Variants in HRG observed in about 807,000 individuals in gnomAD.
HRG encodes the protein histidine rich glycoprotein.
In HRG, 26 loss-of-function variants were observed where a neutral mutation model predicts 29.5. The ratio of observed to expected loss-of-function variants is 0.88; its 90% CI spans 0.65 to 1.22. The LOEUF (loss-of-function observed/expected upper bound fraction) is 1.22. Ranked by LOEUF, HRG falls within the 50% of genes most tolerant of loss-of-function variation. The pLI is 0.00. For missense variants in HRG, 671 were observed against 654.5 expected, an observed-to-expected ratio of 1.03 and a Z score of -0.28; for synonymous variants, 243 against 240.4, an observed-to-expected ratio of 1.01 and a Z score of -0.10.
chr3:186,669,475 TA>T, intron 2 of HRG: 1 of 336,680 alleles, frequency 3.0e-6, no homozygotes, highest in Non-Finnish European at 5.7e-6. Context: ...CCAAAGTAAT[TA>T]CTTGCAGTGA....
At chr3:186,666,912 C>CA (rs200968251) in intron 1 of HRG, 22,962 of 137,656 alleles carry the variant, frequency 0.17, 2,189 homozygotes, top group East Asian at 0.36. Context: ...GACTCCATCT[C>CA]AAAAAAAAAA....
chr3:186,677,770 C>T lies in HRG; in HGVS notation c.1465C>T (p.Leu489=). 1.2e-6 allele frequency: 2 copies of T among 1,613,908 alleles called. No individual in the cohort carries two copies. The highest frequency in any genetic ancestry group is 1.7e-6 in the Non-Finnish European group (2 of 1,179,754). Residue 489 remains leucine (L), a synonymous_variant, in exon 7 of 7, where the codon CTA becomes TTA. Transcript: ENST00000232003. The part of the protein sequence containing the change: ...SFPLPHHKHP[L]KPDNQPFPQS... ...CCCATTGCCGCACCACAAACATCCT[C>T]TAAAGCCAGACAATCAGCCCTTTCC...
intron 1 of HRG, chr3:186,667,195 T>G (rs527478835): frequency 6.6e-6 from 1 of 152,274 alleles, no homozygotes; most frequent in East Asian, 1.9e-4. Flanking sequence ...CAGGATCCCT[T>G]TGGAATGCGG....
intron 1 of HRG, 41 bp downstream of exon 1, chr3:186,666,255 T>C: frequency 6.3e-7 from 1 of 1,599,990 alleles, no homozygotes; most frequent in Non-Finnish European, 8.6e-7. Flanking sequence ...GGGAGATTAC[T>C]CACGGGGGCA....
intron 6 of HRG, among the ~76,000 whole-genome samples, chr3:186,676,491 C>G (rs1718994251): frequency 6.6e-6 from 1 of 151,042 alleles, no homozygotes; most frequent in African/African-American, 2.4e-5. Context: ...AATTTCATTC[C>G]AGGCTGGGCA....
Position 186,678,232 on chromosome 3 carries a change from C to T in HRG, c.*349C>T, listed in dbSNP as rs1273114067. ...ATACTAATAAAGTATGGTATTGAAA[C>T]TATTGTTATCATTTATTTCATTTTA... On this transcript the variant is annotated 3_prime_UTR_variant, in exon 7 of 7. Coordinates refer to ENST00000232003, the MANE Select transcript of HRG (RefSeq NM_000412.5). The T allele has an allele frequency of 3.5e-6, 1 of 287,566 alleles. No individual in the cohort carries two copies. The highest frequency in any genetic ancestry group is 3.9e-5 in the South Asian group (1 of 25,828). 17.8% of individuals were successfully genotyped at this position (287,566 alleles called of 1,614,324 possible).
At chr3:186,675,013 G>A in intron 5 of HRG, 76 bp from the exon 6 acceptor site, 1 of 927,796 alleles carries the variant, frequency 1.1e-6, no homozygotes, top group Admixed American at 1.7e-5. Flanking sequence ...TTTTCTGAAT[G>A]TCTGGAAGCT....
At chr3:186,666,662 C>T (rs927929690) in intron 1 of HRG, among the ~76,000 whole-genome samples, 7 of 152,196 alleles carry the variant, frequency 4.6e-5, no homozygotes, top group Non-Finnish European at 1.0e-4. Context: ...CGCCTGTAAT[C>T]CCAGCACTTT....
chr3:186,677,457 C>T lies in HRG; in HGVS notation c.1152C>T (p.His384=), dbSNP rs749736228. The T allele has an allele frequency of 6.3e-7, 1 of 1,590,792 alleles. No homozygotes were observed. Among genetic ancestry groups the T allele is most frequent in the Non-Finnish European group, 8.6e-7 (1 of 1,168,594 alleles). ...CCCATAGACAGCATCCCCATGGACA[C>T]CACCCCCATGGACACCATCCTCATG... ...HDTHRQHPHG[H]HPHGHHPHGH... is the part of the protein sequence containing the mutation. The change falls in exon 7 of 7, where the codon CAC becomes CAT. Residue 384 remains histidine (H), a synonymous_variant. Coordinates refer to ENST00000232003, the MANE Select transcript of HRG (RefSeq NM_000412.5).
At position 186,671,710 on chromosome 3, in the gene HRG, A is replaced by C; in HGVS notation, c.479A>C (p.Lys160Thr). The change falls in exon 4 of 7, where the codon AAA becomes ACA. Residue 160 changes from lysine to threonine, a missense_variant. By Grantham distance (78) the Lys-to-Thr change is moderately conservative. Coordinates refer to ENST00000232003, the MANE Select transcript of HRG (RefSeq NM_000412.5). ...DTERYRKQAN[K>T]ALEKYKEEND... The stretch of plus-strand genomic sequence containing the variant: ...GAGCGCTACAGAAAACAAGCCAACA[A>C]AGCCCTTGAGAAGTACAAAGAGGAG... 1 of 1,613,956 alleles carries C rather than the reference A, an allele frequency of 6.2e-7. No homozygotes were observed. Among genetic ancestry groups the C allele is most frequent in the Non-Finnish European group, 8.5e-7 (1 of 1,179,892 alleles).
rs1454931900 is a variant in HRG at position 186,677,828 on chromosome 3, TC to T, written c.1524del (p.Phe508LeufsTer21). 1 of 1,614,170 alleles carries T rather than the reference TC, an allele frequency of 6.2e-7. No homozygotes were observed. The highest frequency in any genetic ancestry group is 1.3e-5 in the African/African-American group (1 of 75,054). ...GTCTCTGAATCATGTCCAGGGAAGT[TC>T]AAGAGTGGGTTTCCACAAGTTTCCA... ...QSVSESCPGKFKSGFPQVSMF... is the reference protein window; with the variant it reads ...QSVSESCPGKXKSGFPQVSMF... On this transcript the variant is annotated frameshift_variant, in exon 7 of 7. Coordinates refer to ENST00000232003, the MANE Select transcript of HRG (RefSeq NM_000412.5). LOFTEE classifies it low-confidence loss of function (END_TRUNC).
At position 186,671,530 on chromosome 3, in the gene HRG, AT is replaced by A; in HGVS notation, c.392-92del. Reference sequence around the variant, plus strand: ...AGCTCTTCCCACCCTCAATTTGCCCATCCTTAAAATGAAAGTTATTGTCATT... The same window carrying A: ...AGCTCTTCCCACCCTCAATTTGCCCACCTTAAAATGAAAGTTATTGTCATT... On this transcript the variant is annotated intron_variant, in intron 3 of 6. Transcript: ENST00000232003. 2.2e-6 allele frequency: 3 copies of A among 1,337,474 alleles called. No homozygotes were observed. In the South Asian group the frequency reaches 3.5e-5, roughly 16 times the overall value. The allele number at this position is 1,337,474 out of a possible 1,614,324, so 82.9% of individuals were successfully genotyped here.
In HRG at chr3:186,672,882, T is replaced by A; in HGVS notation, c.639+15T>A. On this transcript the variant is annotated intron_variant, in intron 5 of 6. Transcript: ENST00000232003. ...GACACCCCAATGTGAGTATAAGAAATGTCTGTGATCGTTGACTAGAGTCAC... is the reference window on the plus strand; with the variant it reads ...GACACCCCAATGTGAGTATAAGAAAAGTCTGTGATCGTTGACTAGAGTCAC... 1 of 1,544,908 alleles carries A rather than the reference T, an allele frequency of 6.5e-7. No individual in the cohort carries two copies. Among genetic ancestry groups the A allele is most frequent in the Non-Finnish European group, 8.9e-7 (1 of 1,117,922 alleles).
At position 186,677,356 on chromosome 3, in the gene HRG, C is replaced by A. The variant is rs115242562; in HGVS notation, c.1051C>A (p.Pro351Thr). Residue 351 changes from proline to threonine, a missense_variant, in exon 7 of 7, where the codon CCC becomes ACC. Physicochemically the swap from Pro to Thr is conservative, Grantham distance 38. Coordinates refer to ENST00000232003, the MANE Select transcript of HRG (RefSeq NM_000412.5). ...TAATAATAATTCCAGTGACCTCCAT[C>A]CCCATAAGCATCATTCCCATGAACA... The part of the protein sequence containing the change: ...SHNNNSSDLH[P>T]HKHHSHEQHP... The A allele has an allele frequency of 1.9e-3, 3,056 of 1,613,954 alleles. 47 individuals carry two copies. In the African/African-American group the frequency reaches 0.032, roughly 17 times the overall value.
At chr3:186,673,828 C>T (rs1579078319) in intron 5 of HRG, 1 of 152,148 alleles carries the variant, frequency 6.6e-6, no homozygotes, top group Non-Finnish European at 1.5e-5. Context: ...ATGTACCTGC[C>T]AGAAGACATT....
chr3:186,676,474 A>T (rs190007945), intron 6 of HRG, among the ~76,000 whole-genome samples: 2,963 of 150,244 alleles, frequency 0.02, 74 homozygotes, highest in African/African-American at 0.06. Context: ...TTTTTTTTTT[A>T]AATCAAAATT....
At position 186,668,409 on chromosome 3, in the gene HRG, G is replaced by A. The variant is rs975292142; in HGVS notation, c.184-526G>A. On this transcript the variant is annotated intron_variant, in intron 1 of 6. Coordinates refer to ENST00000232003, the MANE Select transcript of HRG (RefSeq NM_000412.5). ...AAAGCAAGGACAAGGAAAACATCTC[G>A]TAGGTTTACATGTTTTACCCCAGAG... Among the ~76,000 whole-genome samples the A allele has an allele frequency of 4.6e-5, 7 of 152,252 alleles. No individual in the cohort carries two copies. The South Asian group carries it at 6.2e-4, about 14-fold the overall frequency.
chr3:186,671,861 A>C (rs776481073), intron 4 of HRG, 72 bp downstream of exon 4: 52 of 1,309,908 alleles, frequency 4.0e-5, no homozygotes, highest in Middle Eastern at 4.2e-4. Context: ...ACTGAATGGC[A>C]TACCCTCTCC....
Position 186,677,222 on chromosome 3 carries a change from A to G in HRG, c.917A>G (p.His306Arg). ...GPPPPPDERD[H>R]SHGPPLPQGP... Reference sequence around the variant, plus strand: ...CCACCTCCTCCAGATGAAAGAGATCACTCACATGGACCCCCACTTCCACAA... The same window carrying G: ...CCACCTCCTCCAGATGAAAGAGATCGCTCACATGGACCCCCACTTCCACAA... Residue 306 changes from histidine to arginine, a missense_variant, in exon 7 of 7, where the codon CAC becomes CGC. His to Arg is a conservative substitution (Grantham distance 29). Transcript: ENST00000232003. The G allele has an allele frequency of 6.2e-7, 1 of 1,613,934 alleles. No individual in the cohort carries two copies. The highest frequency in any genetic ancestry group is 8.5e-7 in the Non-Finnish European group (1 of 1,179,992).
Sources: gnomAD v4.1 joint callset for allele counts (sites outside exome capture counted in the v4.1 genomes callset) on GRCh38, gnomAD v4.1.1 for gene constraint, MANE v1.5 for transcripts, NCBI Gene and HGNC (gene_info 2026-07-23, HGNC 2026-07-21) for gene names.